PIK3C3: variants seen among roughly 807,000 people sequenced by gnomAD.
The protein encoded by PIK3C3 is phosphatidylinositol 3-kinase catalytic subunit type 3.
Under a neutral mutation model 126.1 loss-of-function variants are expected in PIK3C3, and 95 were observed. The observed-to-expected ratio is 0.75, with a 90% CI of 0.64 to 0.89. The LOEUF (loss-of-function observed/expected upper bound fraction) is 0.89, where lower values mean the gene tolerates loss of function less well. Among genes scored for constraint, PIK3C3 ranks in the 40% least tolerant of loss-of-function variants. The probability of loss-of-function intolerance (pLI) is 0.00; values close to 1 mark genes in which losing one functional copy is unlikely to be tolerated. For missense variants in PIK3C3, 829 were observed against 1,063.2 expected, an observed-to-expected ratio of 0.78 and a Z score of 3.06; for synonymous variants, 374 against 360.0, an observed-to-expected ratio of 1.04 and a Z score of -0.44.
At chr18:42,038,040 AT>A (rs898035051) in intron 17 of PIK3C3, among the ~76,000 whole-genome samples, 1 of 151,972 alleles carries the variant, frequency 6.6e-6, no homozygotes, top group Non-Finnish European at 1.5e-5. Flanking sequence ...TGTTCCATTA[AT>A]TTTTTTTCCA....
chr18:42,029,534 ATTTTTTTTTTTTTTTTT>A, intron 15 of PIK3C3, 93 bp downstream of exon 15: 1 of 209,900 alleles, frequency 4.8e-6, no homozygotes, highest in Non-Finnish European at 9.2e-6. Context: ...TGATACGTGA[ATTTTTTTTTTTTTTTTT>A]TTTTTTTTTT....
In PIK3C3 at chr18:41,972,555, A is replaced by G. The variant is rs532953048; in HGVS notation, c.531+2099A>G. Among the ~76,000 whole-genome samples, 6 of 152,256 alleles carry G rather than the reference A, an allele frequency of 3.9e-5. No individual in the cohort carries two copies. In the East Asian group the frequency reaches 9.6e-4, roughly 24 times the overall value. The stretch of plus-strand genomic sequence containing the variant: ...AGTAATTGGAGCCTAGCTCTTTTCC[A>G]CATTCTTTCATCCCTAATAGAATTG... On this transcript the variant is annotated intron_variant, in intron 4 of 24. Transcript: ENST00000262039.
At chr18:41,963,695 T>C (rs1980211988) in intron 3 of PIK3C3, among the ~76,000 whole-genome samples, 1 of 152,200 alleles carries the variant, frequency 6.6e-6, no homozygotes, top group African/African-American at 2.4e-5. Flanking sequence ...TTTTACATCA[T>C]TAAGTATGAG....
chr18:42,064,962 G>C lies in PIK3C3; in HGVS notation c.2523+132G>C, dbSNP rs1985474903. 25 of 573,036 alleles carry C rather than the reference G, an allele frequency of 4.4e-5. 1 individual carries two copies. In the South Asian group the frequency reaches 5.9e-4, roughly 14 times the overall value. The allele number at this position is 573,036 out of a possible 1,614,324, so 35.5% of individuals were successfully genotyped here. On this transcript the variant is annotated intron_variant, in intron 23 of 24. Coordinates refer to ENST00000262039, the MANE Select transcript of PIK3C3 (RefSeq NM_002647.4). ...TTCCTGCCCACAGTCACATGAATAG[G>C]TTCTCTCATCTGGAGAGACAGTTTG...
In PIK3C3 at chr18:42,029,455, G is replaced by T; in HGVS notation, c.1707+14G>T. The T allele has an allele frequency of 7.2e-7, 1 of 1,394,576 alleles. No homozygotes were observed. The allele number at this position is 1,394,576 out of a possible 1,614,324, so 86.4% of individuals were successfully genotyped here. ...CGTAAGAAAAAGGTAAGCCTATGGT[G>T]TATGCTTTTGTTCCTAATAGCATCT... On this transcript the variant is annotated intron_variant, in intron 15 of 24. Transcript: ENST00000262039.
intron 12 of PIK3C3, among the ~76,000 whole-genome samples, chr18:42,018,843 C>G (rs547749121): frequency 6.6e-6 from 1 of 152,090 alleles, no homozygotes; most frequent in African/African-American, 2.4e-5. Context: ...TACCTACTTT[C>G]GCTATGCCTG....
chr18:41,967,094 G>A (rs566202554), intron 3 of PIK3C3, among the ~76,000 whole-genome samples: 20 of 151,870 alleles, frequency 1.3e-4, no homozygotes, highest in African/African-American at 3.4e-4. Context: ...GAGCTGCCTC[G>A]CATTGGAGAA....
intron 3 of PIK3C3, among the ~76,000 whole-genome samples, chr18:41,969,086 T>C (rs1209814775): frequency 2.6e-5 from 4 of 152,056 alleles, no homozygotes; most frequent in Non-Finnish European, 5.9e-5. Flanking sequence ...CTCAAAATGC[T>C]GAGATTACAG....
chr18:42,021,261 A>C (rs1983308166), intron 13 of PIK3C3, among the ~76,000 whole-genome samples: 1 of 152,180 alleles, frequency 6.6e-6, no homozygotes, highest in Admixed American at 6.5e-5. Context: ...AAGCATAAAT[A>C]TCTCTATTTC....
rs921951458 is a variant in PIK3C3, at chr18:42,083,624, T to C, written c.*2487T>C. On this transcript the variant is annotated 3_prime_UTR_variant, in exon 25 of 25. Coordinates refer to ENST00000262039, the MANE Select transcript of PIK3C3 (RefSeq NM_002647.4). ...GTTTTCAGCTGGGTATATATTATAA[T>C]AACAGTCAACATGATGTAGGGGCTC... 3.9e-5 allele frequency: 6 copies of C among 152,212 alleles called. No individual in the cohort carries two copies. Among genetic ancestry groups the C allele is most frequent in the Admixed American group, 2.0e-4 (3 of 15,284 alleles). 9.4% of individuals were successfully genotyped at this position (152,212 alleles called of 1,614,324 possible). A position where few individuals can be genotyped will look rare whatever the true frequency, so the allele number is the denominator to read the frequency against.
intron 10 of PIK3C3, among the ~76,000 whole-genome samples, chr18:42,012,331 G>A (rs1435268974): frequency 1.3e-5 from 2 of 152,146 alleles, no homozygotes; most frequent in East Asian, 3.8e-4. Context: ...AGTTATTACA[G>A]GTGCTATAGT....
chr18:42,017,989 A>ATG (rs1983153289), intron 12 of PIK3C3, among the ~76,000 whole-genome samples: 3 of 151,478 alleles, frequency 2.0e-5, no homozygotes, highest in Admixed American at 2.0e-4. Flanking sequence ...ACTTTCTTAT[A>ATG]TATATATAAA....
intron 19 of PIK3C3, 54 bp downstream of exon 19, chr18:42,040,795 A>C: frequency 8.3e-7 from 1 of 1,204,184 alleles, no homozygotes; most frequent in Non-Finnish European, 1.2e-6. Flanking sequence ...GTCATAAAAA[A>C]TTCAGTCTTT....
At chr18:42,055,344 G>C (rs1985017475) in intron 21 of PIK3C3, among the ~76,000 whole-genome samples, 1 of 152,074 alleles carries the variant, frequency 6.6e-6, no homozygotes, top group Non-Finnish European at 1.5e-5. Context: ...TTTTAACTGA[G>C]TGAAAATACT....
intron 4 of PIK3C3, among the ~76,000 whole-genome samples, chr18:41,986,649 A>G (rs1056303479): frequency 6.6e-6 from 1 of 151,976 alleles, no homozygotes; most frequent in Non-Finnish European, 1.5e-5. Context: ...CCTTGTGACT[A>G]TTTCTAGGTC....
chr18:41,979,533 T>C (rs1981093504), intron 4 of PIK3C3, among the ~76,000 whole-genome samples: 1 of 152,226 alleles, frequency 6.6e-6, no homozygotes, highest in Admixed American at 6.5e-5. Flanking sequence ...ATGATTTATA[T>C]GAATTTCTAA....
At chr18:42,024,072 G>A (rs560916840) in intron 13 of PIK3C3, among the ~76,000 whole-genome samples, 2 of 152,278 alleles carry the variant, frequency 1.3e-5, no homozygotes, top group African/African-American at 4.8e-5. Flanking sequence ...CTAGGGTGTT[G>A]AAATTGAAAG....
At chr18:41,957,834 G>C (rs567538246) in intron 2 of PIK3C3, 76 bp downstream of exon 2, 1 of 1,152,012 alleles carries the variant, frequency 8.7e-7, no homozygotes, top group Non-Finnish European at 1.2e-6. Flanking sequence ...GTATAATTTA[G>C]TAGGATTATA....
At position 42,085,052 on chromosome 18, in the gene PIK3C3, C is replaced by T. The variant is rs1986371422; in HGVS notation, c.*3915C>T. On this transcript the variant is annotated 3_prime_UTR_variant, in exon 25 of 25. Coordinates refer to ENST00000262039, the MANE Select transcript of PIK3C3 (RefSeq NM_002647.4). ...TCTTGTTATATGCTAACTTCATTTT[C>T]CCTTTCTTGTCCATAGTGGGAAAAA... 1 of 152,164 alleles carries T rather than the reference C, an allele frequency of 6.6e-6. No individual in the cohort carries two copies. Among genetic ancestry groups the T allele is most frequent in the South Asian group, 2.1e-4 (1 of 4,826 alleles). 9.4% of individuals were successfully genotyped at this position (152,164 alleles called of 1,614,324 possible).
Sources: allele counts gnomAD v4.1 joint callset (sites outside exome capture counted in the v4.1 genomes callset), GRCh38; gene constraint gnomAD v4.1.1; transcripts MANE v1.5; gene names NCBI Gene and HGNC (gene_info 2026-07-23, HGNC 2026-07-21).